Variants in FARS2 observed in about 807,000 individuals in gnomAD.
FARS2 encodes the protein phenylalanyl-tRNA synthetase 2, mitochondrial, also known as phenylalanine--tRNA ligase, mitochondrial.
Under a neutral mutation model 46.4 loss-of-function variants are expected in FARS2, and 40 were observed. That is an observed-to-expected ratio of 0.86 (90% CI 0.67 to 1.12). The LOEUF is 1.12. FARS2 is among the 50% of genes most tolerant of loss of function. The pLI, the probability that FARS2 is intolerant of heterozygous loss-of-function variation, is 0.00. For missense variants in FARS2, 513 were observed against 567.9 expected (o/e 0.90, Z 0.98); for synonymous variants, 234 against 214.9 (o/e 1.09, Z -0.78).
intron 6 of FARS2, among the ~76,000 whole-genome samples, chr6:5,624,237 T>G (rs1273299694): frequency 6.6e-6 from 1 of 152,210 alleles, no homozygotes; most frequent in Non-Finnish European, 1.5e-5. Context: ...CCCCAAGCTT[T>G]CTTTTAACAG....
chr6:5,708,149 A>G (rs1350838377), intron 6 of FARS2, among the ~76,000 whole-genome samples: 1 of 152,176 alleles, frequency 6.6e-6, no homozygotes, highest in Admixed American at 6.5e-5. Flanking sequence ...AGGGCCGGGT[A>G]GCAGAGCTTT....
At chr6:5,545,897 A>G (rs1469850004) in intron 5 of FARS2, among the ~76,000 whole-genome samples, 1 of 152,044 alleles carries the variant, frequency 6.6e-6, no homozygotes, top group East Asian at 1.9e-4. Context: ...GGAGGCCAAG[A>G]CGGGTGGATC....
chr6:5,281,885 C>T (rs17736496), intron 1 of FARS2, among the ~76,000 whole-genome samples: 11,206 of 152,100 alleles, frequency 0.074, 545 homozygotes, highest in Middle Eastern at 0.15. Context: ...TGTGTTCACC[C>T]GGAGTCAGAT....
chr6:5,646,043 G>C (rs544122244), intron 6 of FARS2, among the ~76,000 whole-genome samples: 2 of 152,094 alleles, frequency 1.3e-5, no homozygotes, highest in East Asian at 3.9e-4. Context: ...TGTAAGTCTC[G>C]TATGGTTTGG....
intron 6 of FARS2, among the ~76,000 whole-genome samples, chr6:5,646,880 C>G (rs35149973): frequency 6.6e-6 from 1 of 151,910 alleles, no homozygotes; most frequent in African/African-American, 2.4e-5. Context: ...TTGGTTGAAT[C>G]CATGGATATG....
chr6:5,302,308 C>T (rs1359943421), intron 1 of FARS2, among the ~76,000 whole-genome samples: 1 of 152,178 alleles, frequency 6.6e-6, no homozygotes, highest in African/African-American at 2.4e-5. Context: ...TTCTAACAGG[C>T]TTCCAGGCAG....
intron 2 of FARS2, among the ~76,000 whole-genome samples, chr6:5,372,058 C>G (rs1368084137): frequency 6.6e-6 from 1 of 151,974 alleles, no homozygotes; most frequent in Non-Finnish European, 1.5e-5. Flanking sequence ...AAAAAAGTGA[C>G]AAGCAGTAAC....
At chr6:5,437,567 G>T (rs74497936) in intron 4 of FARS2, among the ~76,000 whole-genome samples, 2,996 of 152,070 alleles carry the variant, frequency 0.02, 99 homozygotes, top group African/African-American at 0.068. Context: ...ATGTTTTCAC[G>T]AGGAATTGTT....
At position 5,584,108 on chromosome 6, in the gene FARS2, G is replaced by GACACACACACACACACACACACACAC. The variant is rs143867485; in HGVS notation, c.1066-29052_1066-29027dup. On this transcript the variant is annotated intron_variant, in intron 5 of 6. Transcript: ENST00000274680. ...ACATTCTCTCTCTCTTTCTCTCTCT[G>GACACACACACACACACACACACACAC]ACACACACACACACACACACACACA... Among the ~76,000 whole-genome samples, 1,114 of 122,880 alleles carry GACACACACACACACACACACACACAC rather than the reference G, an allele frequency of 9.1e-3. 51 individuals are homozygous for GACACACACACACACACACACACACAC. Among genetic ancestry groups the GACACACACACACACACACACACACAC allele is most frequent in the East Asian group, 0.037 (130 of 3,532 alleles). 80.6% of individuals were successfully genotyped at this position (122,880 alleles called of 152,430 possible).
intron 6 of FARS2, among the ~76,000 whole-genome samples, chr6:5,687,360 C>T (rs964323320): frequency 2.0e-5 from 3 of 152,060 alleles, no homozygotes; most frequent in South Asian, 2.1e-4. Flanking sequence ...TAATCCATCT[C>T]GCATTAATTT....
At chr6:5,333,549 T>G (rs1770943030) in intron 1 of FARS2, among the ~76,000 whole-genome samples, 1 of 152,206 alleles carries the variant, frequency 6.6e-6, no homozygotes, top group Non-Finnish European at 1.5e-5. Context: ...TCATATTAAG[T>G]AGATATTTTA....
chr6:5,325,738 T>A (rs1177924071), intron 1 of FARS2, among the ~76,000 whole-genome samples: 24 of 152,190 alleles, frequency 1.6e-4, no homozygotes, highest in Non-Finnish European at 4.4e-5. Context: ...TTATTAAGTT[T>A]CATAAGGAAG....
chr6:5,594,266 C>A (rs140363178), intron 5 of FARS2, among the ~76,000 whole-genome samples: 1 of 152,312 alleles, frequency 6.6e-6, no homozygotes, highest in African/African-American at 2.4e-5. Context: ...GTGCCTGAAG[C>A]ACCTTTGTCA....
intron 4 of FARS2, among the ~76,000 whole-genome samples, chr6:5,524,891 G>A (rs1769365651): frequency 2.6e-5 from 4 of 152,172 alleles, no homozygotes; most frequent in Admixed American, 2.0e-4. Context: ...CTGCAGCTTA[G>A]CTAGAGCCCA....
At chr6:5,645,755 T>C (rs1345434241) in intron 6 of FARS2, among the ~76,000 whole-genome samples, 1 of 152,224 alleles carries the variant, frequency 6.6e-6, no homozygotes, top group African/African-American at 2.4e-5. Context: ...CTGCATTCAG[T>C]TGACGTGGTG....
At chr6:5,623,713 A>G (rs1304552882) in intron 6 of FARS2, among the ~76,000 whole-genome samples, 1 of 128,344 alleles carries the variant, frequency 7.8e-6, no homozygotes, top group Non-Finnish European at 1.6e-5. Flanking sequence ...CTGTGTCTCA[A>G]AAAAAATAAA....
chr6:5,254,263 T>G, the FARS2 span, among the ~76,000 whole-genome samples: 9 of 152,314 alleles, frequency 5.9e-5, no homozygotes, highest in Admixed American at 1.3e-4. Flanking sequence ...TCATCTGACT[T>G]CTCGCTAACC....
intron 1 of FARS2, among the ~76,000 whole-genome samples, chr6:5,365,382 A>AGTG (rs1217747208): frequency 8.4e-6 from 1 of 119,034 alleles, no homozygotes; most frequent in Non-Finnish European, 1.6e-5. Flanking sequence ...CCCAAGCTGG[A>AGTG]GTGCAGTGGT....
intron 6 of FARS2, among the ~76,000 whole-genome samples, chr6:5,706,767 T>A (rs527798045): frequency 1.3e-5 from 2 of 152,372 alleles, no homozygotes; most frequent in East Asian, 3.9e-4. Flanking sequence ...CTTCTGTTAA[T>A]CCTATTGCTA....
Sources: gnomAD v4.1 joint callset for allele counts (sites outside exome capture counted in the v4.1 genomes callset) on GRCh38, gnomAD v4.1.1 for gene constraint, MANE v1.5 for transcripts, NCBI Gene and HGNC (gene_info 2026-07-23, HGNC 2026-07-21) for gene names.